KCTD16: variants seen among roughly 807,000 people sequenced by gnomAD.
KCTD16 encodes BTB/POZ domain-containing protein KCTD16.
KCTD16 carries 13 observed loss-of-function variants against 33.2 expected under a neutral mutation model. That is an observed-to-expected ratio of 0.39 (90% CI 0.25 to 0.62). The LOEUF (loss-of-function observed/expected upper bound fraction) is 0.62. Ranked by LOEUF, KCTD16 falls within the 20% of genes least tolerant of loss-of-function variation. The pLI is 0.50. For missense variants in KCTD16, 441 were observed against 525.1 expected (o/e 0.84, Z 1.57); for synonymous variants, 197 against 195.3 (o/e 1.01, Z -0.07).
chr5:144,425,132 A>C (rs1753295512), intron 3 of KCTD16, among the ~76,000 whole-genome samples: 2 of 152,162 alleles, frequency 1.3e-5, no homozygotes, highest in Non-Finnish European at 2.9e-5. Context: ...TACTCCAGAA[A>C]TACAATAGTA....
At chr5:144,331,525 A>G (rs1020723461) in intron 3 of KCTD16, among the ~76,000 whole-genome samples, 1 of 152,186 alleles carries the variant, frequency 6.6e-6, no homozygotes, top group African/African-American at 2.4e-5. Context: ...AGGAGCAGAT[A>G]AGTGAGAGTT....
chr5:144,451,648 A>G (rs941557097), intron 3 of KCTD16, among the ~76,000 whole-genome samples: 4 of 152,282 alleles, frequency 2.6e-5, no homozygotes, highest in African/African-American at 4.8e-5. Context: ...ACAGAAACTC[A>G]GGCATTTTAT....
chr5:144,291,640 G>A (rs1025994680), intron 3 of KCTD16, among the ~76,000 whole-genome samples: 2 of 152,142 alleles, frequency 1.3e-5, no homozygotes, highest in South Asian at 4.1e-4. Context: ...TTTTAAGGAG[G>A]AAAGTTTTGT....
chr5:144,275,623 A>T (rs934068352), intron 3 of KCTD16, among the ~76,000 whole-genome samples: 1 of 152,196 alleles, frequency 6.6e-6, no homozygotes, highest in African/African-American at 2.4e-5. Context: ...AAAGAGTGTC[A>T]TGGGATTCTC....
At chr5:144,252,181 C>A (rs550790775) in intron 3 of KCTD16, among the ~76,000 whole-genome samples, 63 of 152,196 alleles carry the variant, frequency 4.1e-4, no homozygotes, top group African/African-American at 1.5e-3. Flanking sequence ...TTAACTACAG[C>A]CAGCGTGCTG....
chr5:144,281,782 G>A (rs1033583894), intron 3 of KCTD16, among the ~76,000 whole-genome samples: 2 of 152,108 alleles, frequency 1.3e-5, no homozygotes, highest in African/African-American at 2.4e-5. Context: ...AGAGATAAGT[G>A]TTAAAGTTTC....
intron 2 of KCTD16, among the ~76,000 whole-genome samples, chr5:144,187,204 C>T (rs566437285): frequency 2.6e-4 from 40 of 152,204 alleles, no homozygotes; most frequent in South Asian, 1.9e-3. Context: ...ACAGATATTG[C>T]AAACCACTTA....
chr5:144,418,334 C>A (rs1460038850), intron 3 of KCTD16, among the ~76,000 whole-genome samples: 1 of 152,194 alleles, frequency 6.6e-6, no homozygotes. Flanking sequence ...GCCCCACCCA[C>A]ATCCTGCTGA....
intron 3 of KCTD16, among the ~76,000 whole-genome samples, chr5:144,346,784 TA>T (rs1262908249): frequency 6.6e-6 from 1 of 152,198 alleles, no homozygotes; most frequent in Non-Finnish European, 1.5e-5. Context: ...AGTTTGCAGA[TA>T]TTTTCTCCCA....
chr5:144,458,324 C>T (rs1580980265), intron 3 of KCTD16, among the ~76,000 whole-genome samples: 1 of 152,060 alleles, frequency 6.6e-6, no homozygotes, highest in South Asian at 2.1e-4. Context: ...CATCTGACCT[C>T]GCAACTGGGT....
chr5:144,395,158 G>A (rs991640422), intron 3 of KCTD16, among the ~76,000 whole-genome samples: 1 of 152,204 alleles, frequency 6.6e-6, no homozygotes, highest in African/African-American at 2.4e-5. Flanking sequence ...GCTTGCTAGA[G>A]TTTGAGACCC....
intron 3 of KCTD16, among the ~76,000 whole-genome samples, chr5:144,380,275 G>A (rs753883245): frequency 6.6e-6 from 1 of 151,902 alleles, no homozygotes; most frequent in Non-Finnish European, 1.5e-5. Context: ...TAGGAATACA[G>A]CTTACCAAGG....
chr5:144,412,023 A>C (rs1195928276), intron 3 of KCTD16, among the ~76,000 whole-genome samples: 1 of 152,222 alleles, frequency 6.6e-6, no homozygotes, highest in Non-Finnish European at 1.5e-5. Context: ...GACAGGGAGT[A>C]ATGGATGCTA....
intron 3 of KCTD16, among the ~76,000 whole-genome samples, chr5:144,232,092 G>A (rs894814861): frequency 6.6e-6 from 1 of 152,060 alleles, no homozygotes; most frequent in South Asian, 2.1e-4. Context: ...TGTTAAGAGT[G>A]TTCCAGAAAT....
intron 3 of KCTD16, among the ~76,000 whole-genome samples, chr5:144,294,405 CT>C (rs1215642025): frequency 6.6e-6 from 1 of 152,028 alleles, no homozygotes; most frequent in Non-Finnish European, 1.5e-5. Flanking sequence ...TAAGGTGTAT[CT>C]TTTGTAAGAT....
At chr5:144,391,675 C>T (rs2126938796) in intron 3 of KCTD16, among the ~76,000 whole-genome samples, 1 of 152,266 alleles carries the variant, frequency 6.6e-6, no homozygotes, top group East Asian at 1.9e-4. Context: ...TAACTCTATA[C>T]CCTGACGTAC....
At chr5:144,197,780 C>T (rs1752966623) in intron 2 of KCTD16, among the ~76,000 whole-genome samples, 1 of 152,162 alleles carries the variant, frequency 6.6e-6, no homozygotes, top group Non-Finnish European at 1.5e-5. Context: ...TTATTCTCCC[C>T]ACAATGCTAA....
chr5:144,435,841 G>C (rs541265525), intron 3 of KCTD16, among the ~76,000 whole-genome samples: 12 of 150,156 alleles, frequency 8.0e-5, no homozygotes, highest in African/African-American at 3.0e-4. Flanking sequence ...GTGTGTGTGT[G>C]TATGTGTGTG....
intron 3 of KCTD16, among the ~76,000 whole-genome samples, chr5:144,261,875 A>T (rs1170132354): frequency 6.6e-6 from 1 of 152,222 alleles, no homozygotes; most frequent in Non-Finnish European, 1.5e-5. Flanking sequence ...AAGCTGAATG[A>T]GGACAATGAC....
Sources: gnomAD v4.1 joint callset for allele counts (sites outside exome capture counted in the v4.1 genomes callset) on GRCh38, gnomAD v4.1.1 for gene constraint, MANE v1.5 for transcripts, NCBI Gene and HGNC (gene_info 2026-07-23, HGNC 2026-07-21) for gene names.